LRRC4C: variants seen among roughly 807,000 people sequenced by gnomAD.
The protein encoded by LRRC4C is leucine rich repeat containing 4C, also known as leucine-rich repeat-containing protein 4C.
In LRRC4C, 5 loss-of-function variants were observed where a neutral mutation model predicts 33.6. The observed-to-expected ratio is 0.15, with a 90% CI of 0.08 to 0.31. The LOEUF (loss-of-function observed/expected upper bound fraction) is 0.31. Ranked by LOEUF, LRRC4C falls within the 10% of genes least tolerant of loss-of-function variation. The probability of loss-of-function intolerance (pLI) is 1.00; values close to 1 mark genes in which losing one functional copy is unlikely to be tolerated. For missense variants in LRRC4C, 560 were observed against 796.7 expected (o/e 0.70, Z 3.58); for synonymous variants, 329 against 302.0 (o/e 1.09, Z -0.93).
chr11:41,286,070 T>A (rs990249682), intron 1 of LRRC4C, among the ~76,000 whole-genome samples: 17 of 152,112 alleles, frequency 1.1e-4, no homozygotes, highest in South Asian at 6.2e-4. Context: ...ACCTCGTGAT[T>A]CACCCACCTA....
At chr11:40,474,424 A>G (rs1050466793) in intron 3 of LRRC4C, among the ~76,000 whole-genome samples, 32 of 152,334 alleles carry the variant, frequency 2.1e-4, no homozygotes, top group African/African-American at 7.0e-4. Context: ...CTTATAAAAA[A>G]AATTAACTCA....
chr11:40,332,012 C>T (rs925362053), intron 3 of LRRC4C, among the ~76,000 whole-genome samples: 1 of 152,174 alleles, frequency 6.6e-6, no homozygotes, highest in Admixed American at 6.5e-5. Flanking sequence ...ACCCAAGTGC[C>T]ATAACATGTA....
intron 1 of LRRC4C, among the ~76,000 whole-genome samples, chr11:41,082,772 T>C (rs890550976): frequency 4.6e-5 from 7 of 152,170 alleles, no homozygotes; most frequent in African/African-American, 1.7e-4. Context: ...TATTCTGATA[T>C]GATTTCTTCT....
intron 1 of LRRC4C, among the ~76,000 whole-genome samples, chr11:41,173,295 G>A (rs1945056604): frequency 6.6e-6 from 1 of 152,092 alleles, no homozygotes; most frequent in Non-Finnish European, 1.5e-5. Context: ...AATTGAAAAT[G>A]TAAAAGCTGT....
intron 2 of LRRC4C, among the ~76,000 whole-genome samples, chr11:40,803,092 T>C (rs1315162527): frequency 6.6e-6 from 1 of 152,202 alleles, no homozygotes; most frequent in Non-Finnish European, 1.5e-5. Flanking sequence ...ACCTATGATT[T>C]GATAACCAGG....
chr11:41,075,242 C>A (rs1386304125), intron 1 of LRRC4C, among the ~76,000 whole-genome samples: 2 of 151,848 alleles, frequency 1.3e-5, no homozygotes, highest in African/African-American at 4.8e-5. Flanking sequence ...TCAATACCAG[C>A]AGTGAAAGTG....
rs200544937 is a variant in LRRC4C, at chr11:40,129,930, G to GT, written c.-43+10870dup. Among the ~76,000 whole-genome samples the GT allele has an allele frequency of 9.1e-3, 1,387 of 151,854 alleles. 11 individuals are homozygous for GT. The highest frequency in any genetic ancestry group is 0.016 in the African/African-American group (663 of 41,418). On this transcript the variant is annotated intron_variant, in intron 6 of 6. Transcript: ENST00000528697. ...GCAGGGCTAAAAATAAAAATAATTT[G>GT]TTTTTTTTCCTGCCTGTTTACACTC...
chr11:40,307,020 T>C (rs1366431389), intron 4 of LRRC4C, among the ~76,000 whole-genome samples: 2 of 46,906 alleles, frequency 4.3e-5, no homozygotes, highest in Non-Finnish European at 9.4e-5. Context: ...CTATCTAATA[T>C]CTATCTATCT....
At chr11:41,125,798 T>G (rs1942708067) in intron 1 of LRRC4C, among the ~76,000 whole-genome samples, 1 of 152,154 alleles carries the variant, frequency 6.6e-6, no homozygotes. Context: ...CGAAAACTAC[T>G]ATTGAAAACT....
intron 2 of LRRC4C, among the ~76,000 whole-genome samples, chr11:40,850,874 G>A (rs767296613): frequency 1.2e-4 from 18 of 152,326 alleles, no homozygotes; most frequent in Non-Finnish European, 2.1e-4. Context: ...TGGCTTTGAG[G>A]AGCAGTGGTG....
intron 2 of LRRC4C, among the ~76,000 whole-genome samples, chr11:40,925,356 G>A (rs1957369905): frequency 6.6e-6 from 1 of 152,122 alleles, no homozygotes; most frequent in African/African-American, 2.4e-5. Flanking sequence ...CAAAACAAGG[G>A]AAAGAATATT....
intron 2 of LRRC4C, among the ~76,000 whole-genome samples, chr11:40,687,919 G>T (rs1157567265): frequency 6.6e-6 from 1 of 151,734 alleles, no homozygotes; most frequent in Admixed American, 6.6e-5. Context: ...TTCACAGTAA[G>T]ATCATTATCT....
chr11:41,195,950 T>G (rs1590903547), intron 1 of LRRC4C, among the ~76,000 whole-genome samples: 2 of 152,198 alleles, frequency 1.3e-5, no homozygotes, highest in East Asian at 3.9e-4. Flanking sequence ...ATCTACTTTC[T>G]GCTCAAGGAT....
intron 1 of LRRC4C, among the ~76,000 whole-genome samples, chr11:41,427,334 A>G (rs548570047): frequency 1.3e-5 from 2 of 152,264 alleles, no homozygotes; most frequent in Non-Finnish European, 2.9e-5. Flanking sequence ...ATGGAGATAC[A>G]GTAGTGAAGA....
intron 2 of LRRC4C, among the ~76,000 whole-genome samples, chr11:40,783,951 C>A (rs1950313007): frequency 6.6e-6 from 1 of 152,010 alleles, no homozygotes; most frequent in African/African-American, 2.4e-5. Flanking sequence ...CTTTAAAGTG[C>A]AACATTCATT....
intron 4 of LRRC4C, among the ~76,000 whole-genome samples, chr11:40,266,420 T>C (rs1464573209): frequency 6.6e-6 from 1 of 152,182 alleles, no homozygotes; most frequent in Non-Finnish European, 1.5e-5. Flanking sequence ...TGAGTCTTGA[T>C]TGTGCCACTG....
intron 1 of LRRC4C, among the ~76,000 whole-genome samples, chr11:41,335,868 A>G (rs891347845): frequency 2.0e-5 from 3 of 152,194 alleles, no homozygotes; most frequent in Non-Finnish European, 4.4e-5. Context: ...CCACTAAATT[A>G]TCAGCCCTAG....
chr11:40,526,514 G>A (rs577007043), intron 3 of LRRC4C, among the ~76,000 whole-genome samples: 1 of 152,148 alleles, frequency 6.6e-6, no homozygotes, highest in South Asian at 2.1e-4. Context: ...AATACAAATT[G>A]AAACTCAATG....
intron 1 of LRRC4C, among the ~76,000 whole-genome samples, chr11:41,413,943 T>G (rs1565654191): frequency 6.6e-6 from 1 of 152,152 alleles, no homozygotes; most frequent in Non-Finnish European, 1.5e-5. Context: ...CTCCTAGCAA[T>G]GCTTACAACA....
Sources: allele counts gnomAD v4.1 joint callset (sites outside exome capture counted in the v4.1 genomes callset), GRCh38; gene constraint gnomAD v4.1.1; transcripts MANE v1.5; gene names NCBI Gene and HGNC (gene_info 2026-07-23, HGNC 2026-07-21).